KIAA1217: variants seen among roughly 807,000 people sequenced by gnomAD.
The protein encoded by KIAA1217 is KIAA1217.
KIAA1217 carries 88 observed loss-of-function variants against 163.9 expected under a neutral mutation model. That is an observed-to-expected ratio of 0.54 (90% CI 0.45 to 0.64). The LOEUF (loss-of-function observed/expected upper bound fraction) is 0.64, where lower values mean the gene tolerates loss of function less well. Ranked by LOEUF, KIAA1217 falls within the 30% of genes least tolerant of loss-of-function variation. The pLI is 0.00. For missense variants in KIAA1217, 2,372 were observed against 2,475.0 expected, an observed-to-expected ratio of 0.96 and a Z score of 0.88; for synonymous variants, 903 against 923.1, an observed-to-expected ratio of 0.98 and a Z score of 0.39.
rs935351707 is a variant in KIAA1217 at position 24,141,686 on chromosome 10, G to A, written c.-170-77940G>A. On this transcript the variant is annotated intron_variant, in intron 2 of 18. Coordinates refer to the KIAA1217 transcript ENST00000376462. ...AGGAAGGTGCAAACACAGGACAGACGCAAACAGCACTCCAAAGGCTTTGAA... is the reference window on the plus strand; with the variant it reads ...AGGAAGGTGCAAACACAGGACAGACACAAACAGCACTCCAAAGGCTTTGAA... 5.3e-5 allele frequency among the ~76,000 whole-genome samples: 8 copies of A among 152,216 alleles called. No individual in the cohort carries two copies. The South Asian group carries it at 6.2e-4, about 12-fold the overall frequency.
At chr10:23,798,842 A>G (rs1384923310) in intron 1 of KIAA1217, among the ~76,000 whole-genome samples, 1 of 152,198 alleles carries the variant, frequency 6.6e-6, no homozygotes, top group Non-Finnish European at 1.5e-5. Context: ...AGGATGAGAG[A>G]TGGTGCCAGA....
intron 1 of KIAA1217, among the ~76,000 whole-genome samples, chr10:23,717,818 T>C (rs1368309669): frequency 6.6e-6 from 1 of 152,132 alleles, no homozygotes; most frequent in Non-Finnish European, 1.5e-5. Flanking sequence ...AGTGACATCA[T>C]TAACTTTTTC....
intron 2 of KIAA1217, among the ~76,000 whole-genome samples, chr10:24,092,700 A>T (rs540305264): frequency 5.1e-4 from 77 of 151,930 alleles, no homozygotes; most frequent in African/African-American, 1.8e-3. Context: ...ATGAAAAAAA[A>T]ACAAAAACCT....
chr10:24,534,805 C>T lies in KIAA1217; in HGVS notation c.3414+1568C>T, dbSNP rs150059430. Among the ~76,000 whole-genome samples the T allele has an allele frequency of 1.0e-4, 15 of 149,108 alleles. No homozygotes were observed. In the East Asian group the frequency reaches 2.0e-3, roughly 20 times the overall value. ...CTGAGACAGGAAAATCACTTGGACC[C>T]GGGAGGTGGAAGTTGCAGTGAGCCA... On this transcript the variant is annotated intron_variant, in intron 16 of 20. Coordinates refer to ENST00000376454, the MANE Select transcript of KIAA1217 (RefSeq NM_019590.5).
At chr10:24,175,286 G>A (rs1361800537) in intron 2 of KIAA1217, among the ~76,000 whole-genome samples, 9 of 152,128 alleles carry the variant, frequency 5.9e-5, no homozygotes, top group Admixed American at 5.9e-4. Flanking sequence ...CATCCTTATA[G>A]CTTAGCTCCC....
chr10:23,817,962 C>CATATATATATAT (rs71397918), intron 1 of KIAA1217, among the ~76,000 whole-genome samples: 3 of 54,256 alleles, frequency 5.5e-5, no homozygotes, highest in South Asian at 7.4e-4. Context: ...TGTGGTGGCA[C>CATATATATATAT]ATATATATAT....
chr10:23,852,155 G>A (rs1315010411), intron 1 of KIAA1217, among the ~76,000 whole-genome samples: 63 of 151,918 alleles, frequency 4.1e-4, no homozygotes, highest in African/African-American at 1.4e-3. Context: ...TAGGTCTAAA[G>A]TTTAAGTCTT....
At chr10:24,527,731 A>T (rs1418120207) in intron 13 of KIAA1217, among the ~76,000 whole-genome samples, 1 of 152,094 alleles carries the variant, frequency 6.6e-6, no homozygotes, top group Admixed American at 6.5e-5. Context: ...TCAGGGGTAC[A>T]ATTGCAGGTT....
At chr10:23,750,580 C>T (rs769391639) in intron 1 of KIAA1217, among the ~76,000 whole-genome samples, 1 of 152,118 alleles carries the variant, frequency 6.6e-6, no homozygotes, top group Non-Finnish European at 1.5e-5. Flanking sequence ...TTGTATTTGC[C>T]CCTTTACGCC....
intron 2 of KIAA1217, among the ~76,000 whole-genome samples, chr10:24,284,219 C>G (rs1256783284): frequency 1.3e-5 from 2 of 152,044 alleles, no homozygotes; most frequent in Non-Finnish European, 2.9e-5. Context: ...AGCATCTTTT[C>G]TTTTTTAAAA....
chr10:23,772,356 A>C (rs1834835675), intron 1 of KIAA1217, among the ~76,000 whole-genome samples: 1 of 152,170 alleles, frequency 6.6e-6, no homozygotes, highest in Admixed American at 6.6e-5. Flanking sequence ...ATTCTACTTT[A>C]AATCATGAAG....
intron 2 of KIAA1217, among the ~76,000 whole-genome samples, chr10:24,314,837 A>G (rs1431229375): frequency 1.3e-5 from 2 of 152,098 alleles, no homozygotes; most frequent in East Asian, 3.9e-4. Context: ...CCAGCTACTC[A>G]GGAGGCTGAG....
chr10:24,204,471 AT>A (rs2067439356), upstream of KIAA1217, among the ~76,000 whole-genome samples: 4 of 152,292 alleles, frequency 2.6e-5, no homozygotes, highest in African/African-American at 9.6e-5. Context: ...ATTGTTTAAG[AT>A]TAATTATTTT....
At chr10:23,857,010 G>T (rs1839717526) in intron 1 of KIAA1217, among the ~76,000 whole-genome samples, 1 of 152,180 alleles carries the variant, frequency 6.6e-6, no homozygotes, top group African/African-American at 2.4e-5. Context: ...ATGGTGCGCT[G>T]CACCCACTGT....
rs1038292817 is a variant in KIAA1217, at chr10:24,456,998, G to A, written c.847-16230G>A. Among the ~76,000 whole-genome samples, 5 of 151,484 alleles carry A rather than the reference G, an allele frequency of 3.3e-5. No homozygotes were observed. The East Asian group carries it at 9.8e-4, about 30-fold the overall frequency. On this transcript the variant is annotated intron_variant, in intron 5 of 20. Transcript: ENST00000376454. ...ATTACAGGTGTGAGCCACTGTGCCC[G>A]GCCAATTAAACCCTTTTTAATTAAA...
intron 1 of KIAA1217, among the ~76,000 whole-genome samples, chr10:23,890,226 A>G (rs1041365850): frequency 3.3e-5 from 5 of 151,448 alleles, no homozygotes; most frequent in Non-Finnish European, 5.9e-5. Flanking sequence ...CTCTATTTTC[A>G]TTTATCTCTG....
rs555149693 is a variant in KIAA1217 at position 23,789,998 on chromosome 10, C to T, written c.-321+94764C>T. On this transcript the variant is annotated intron_variant, in intron 1 of 18. Coordinates refer to the KIAA1217 transcript ENST00000376462. ...ACATATATACACATATACATATACA[C>T]ATATGCACATACACATATACACATA... 9.4e-4 allele frequency among the ~76,000 whole-genome samples: 94 copies of T among 100,204 alleles called. 11 individuals are homozygous for T. The highest frequency in any genetic ancestry group is 1.5e-3 in the Non-Finnish European group (74 of 49,888). The allele number at this position is 100,204 out of a possible 152,430, so 65.7% of individuals were successfully genotyped here. A position where few individuals can be genotyped will look rare whatever the true frequency, so the allele number is the denominator to read the frequency against.
chr10:24,184,903 A>C (rs2066348821), intron 2 of KIAA1217, among the ~76,000 whole-genome samples: 1 of 152,206 alleles, frequency 6.6e-6, no homozygotes, highest in Non-Finnish European at 1.5e-5. Context: ...ACACAAAACT[A>C]TATTATCTCA....
At chr10:23,854,610 G>A (rs1228120305) in intron 1 of KIAA1217, among the ~76,000 whole-genome samples, 2 of 152,138 alleles carry the variant, frequency 1.3e-5, no homozygotes, top group Admixed American at 1.3e-4. Context: ...TTTTGACAGT[G>A]GGGTGTTAAA....
Sources: gnomAD v4.1 joint callset for allele counts (sites outside exome capture counted in the v4.1 genomes callset) on GRCh38, gnomAD v4.1.1 for gene constraint, MANE v1.5 for transcripts, NCBI Gene and HGNC (gene_info 2026-07-23, HGNC 2026-07-21) for gene names.